Variants in PDE4D observed in about 807,000 individuals in gnomAD.
PDE4D encodes phosphodiesterase 4D.
PDE4D carries 24 observed loss-of-function variants against 87.4 expected under a neutral mutation model. The observed-to-expected ratio is 0.27, with a 90% confidence interval of 0.20 to 0.39. The LOEUF (loss-of-function observed/expected upper bound fraction) is 0.39. PDE4D is among the 10% of genes least tolerant of loss of function. PDE4D has a pLI of 1.00. For synonymous variants in PDE4D, 384 were observed against 383.2 expected (o/e 1.00, Z -0.02); for missense variants, 714 against 1,041.0 (o/e 0.69, Z 4.32).
chr5:59,975,754 G>T (rs1761256863), intron 3 of PDE4D, among the ~76,000 whole-genome samples: 2 of 152,126 alleles, frequency 1.3e-5, no homozygotes, highest in Admixed American at 1.3e-4. Context: ...TGGCATTCTG[G>T]TCTAGCCATG....
chr5:60,295,560 G>A (rs1418083299), intron 1 of PDE4D, among the ~76,000 whole-genome samples: 1 of 152,134 alleles, frequency 6.6e-6, no homozygotes, highest in Non-Finnish European at 1.5e-5. Flanking sequence ...GTGCACTGCA[G>A]GATGTTTAGC....
chr5:59,376,005 T>C (rs993775117), intron 1 of PDE4D, among the ~76,000 whole-genome samples: 7 of 152,136 alleles, frequency 4.6e-5, no homozygotes, highest in African/African-American at 1.4e-4. Flanking sequence ...TGTTAAAAAC[T>C]CTCAATAAAC....
intron 2 of PDE4D, among the ~76,000 whole-genome samples, chr5:60,112,291 CT>C (rs1177349368): frequency 6.6e-6 from 1 of 152,110 alleles, no homozygotes; most frequent in Non-Finnish European, 1.5e-5. Flanking sequence ...AAACTAAATG[CT>C]TATGTGCCCA....
At chr5:59,175,115 G>A (rs77232686) in intron 5 of PDE4D, among the ~76,000 whole-genome samples, 13,318 of 152,194 alleles carry the variant, frequency 0.088, 692 homozygotes, top group African/African-American at 0.14. Flanking sequence ...CTTCAAAAAT[G>A]GGATCACTGT....
At position 59,674,983 on chromosome 5, in the gene PDE4D, G is replaced by A. The variant is rs546446237; in HGVS notation, c.455+218185C>T. Among the ~76,000 whole-genome samples the A allele has an allele frequency of 7.2e-5, 11 of 152,230 alleles. No homozygotes were observed. In the South Asian group the frequency reaches 1.0e-3, roughly 14 times the overall value. ...CTGAGGTAAATCATGGCATACATGCGTCATTATGAATCACATACTATCTAT... is the reference window on the plus strand; with the variant it reads ...CTGAGGTAAATCATGGCATACATGCATCATTATGAATCACATACTATCTAT... On this transcript the variant is annotated intron_variant, in intron 1 of 14. Transcript: ENST00000340635.
chr5:60,271,668 T>C (rs1750823739), intron 1 of PDE4D, among the ~76,000 whole-genome samples: 1 of 152,198 alleles, frequency 6.6e-6, no homozygotes, highest in African/African-American at 2.4e-5. Flanking sequence ...AATCTGGTTT[T>C]CAGATAAGAC....
At chr5:59,766,000 TAC>T (rs1762743427) in intron 1 of PDE4D, among the ~76,000 whole-genome samples, 1 of 152,186 alleles carries the variant, frequency 6.6e-6, no homozygotes, top group Admixed American at 6.5e-5. Flanking sequence ...TGGAGGGGAA[TAC>T]CAGGAGCAGG....
chr5:59,364,609 T>C (rs958892340), intron 1 of PDE4D, among the ~76,000 whole-genome samples: 5 of 152,184 alleles, frequency 3.3e-5, no homozygotes, highest in Non-Finnish European at 7.3e-5. Flanking sequence ...AAATTATAAC[T>C]ATGGGCTTTT....
chr5:59,535,131 T>A (rs1198675105), intron 1 of PDE4D, among the ~76,000 whole-genome samples: 1 of 151,544 alleles, frequency 6.6e-6, no homozygotes, highest in Non-Finnish European at 1.5e-5. Flanking sequence ...TTTTTCTAAA[T>A]GATAGGAACA....
At chr5:59,578,087 C>T (rs961943646) in intron 1 of PDE4D, among the ~76,000 whole-genome samples, 31 of 152,156 alleles carry the variant, frequency 2.0e-4, no homozygotes, top group African/African-American at 7.0e-4. Context: ...CTAACATAAA[C>T]CACAGAAAGG....
intron 6 of PDE4D, among the ~76,000 whole-genome samples, chr5:59,024,401 T>C (rs1386987412): frequency 2.0e-5 from 3 of 151,910 alleles, no homozygotes; most frequent in Admixed American, 6.6e-5. Context: ...GATTTCACCA[T>C]GTTGGCCAGC....
At chr5:59,383,466 C>T (rs1476777920) in intron 1 of PDE4D, among the ~76,000 whole-genome samples, 4 of 152,158 alleles carry the variant, frequency 2.6e-5, no homozygotes, top group African/African-American at 9.7e-5. Flanking sequence ...TTCTCAGCCT[C>T]TGTATTGAAC....
At chr5:60,309,808 T>A (rs1441263558) in intron 1 of PDE4D, among the ~76,000 whole-genome samples, 1 of 152,192 alleles carries the variant, frequency 6.6e-6, no homozygotes, top group Non-Finnish European at 1.5e-5. Context: ...CAATGCTAAT[T>A]TGCTTATATA....
intron 1 of PDE4D, among the ~76,000 whole-genome samples, chr5:59,277,309 TCCACATAGTTATCC>T (rs1387132649): frequency 6.6e-6 from 1 of 152,186 alleles, no homozygotes. Context: ...TAAATTGCTT[TCCACATAGTTATCC>T]CCTTAAGCTT....
rs1755616709 is a variant in PDE4D, at chr5:60,316,517, A to T, written c.-89-130830T>A. 1.3e-5 allele frequency among the ~76,000 whole-genome samples: 2 copies of T among 152,144 alleles called. 1 individual carries two copies. Among genetic ancestry groups the T allele is most frequent in the South Asian group, 4.1e-4 (2 of 4,824 alleles). ...GATTGTCCTGGCCAGAACTTCTAAC[A>T]CTATGTTGAGTAGGAGTGGTGAGAG... On this transcript the variant is annotated intron_variant, in intron 1 of 16. Coordinates refer to the PDE4D transcript ENST00000502484.
chr5:59,227,772 A>G (rs1255235743), intron 1 of PDE4D, among the ~76,000 whole-genome samples: 1 of 152,230 alleles, frequency 6.6e-6, no homozygotes, highest in Non-Finnish European at 1.5e-5. Flanking sequence ...TGCAGAGAAA[A>G]GGAAACGCTT....
intron 1 of PDE4D, among the ~76,000 whole-genome samples, chr5:60,224,916 C>T (rs992521323): frequency 6.6e-6 from 1 of 151,694 alleles, no homozygotes; most frequent in Non-Finnish European, 1.5e-5. Flanking sequence ...GTGAAGTTAA[C>T]TTAGGCTTTC....
chr5:60,415,778 C>A (rs557900670), intron 1 of PDE4D, among the ~76,000 whole-genome samples: 2 of 152,372 alleles, frequency 1.3e-5, no homozygotes, highest in South Asian at 4.1e-4. Context: ...GTCCCATCCA[C>A]TGCCAAAGGG....
intron 1 of PDE4D, among the ~76,000 whole-genome samples, chr5:59,218,825 G>A (rs2153507960): frequency 6.6e-6 from 1 of 152,100 alleles, no homozygotes; most frequent in African/African-American, 2.4e-5. Context: ...CATTGAGAAT[G>A]AAGATCTAAA....
Sources: allele counts gnomAD v4.1 joint callset (sites outside exome capture counted in the v4.1 genomes callset), GRCh38; gene constraint gnomAD v4.1.1; transcripts MANE v1.5; gene names NCBI Gene and HGNC (gene_info 2026-07-23, HGNC 2026-07-21).